Variants in ATRNL1 observed in about 807,000 individuals in gnomAD.
ATRNL1 encodes the protein attractin like 1.
In ATRNL1, 95 loss-of-function variants were observed where a neutral mutation model predicts 182.7. The observed-to-expected ratio is 0.52, with a 90% CI of 0.44 to 0.62. ATRNL1 has a LOEUF of 0.62. ATRNL1 is among the 20% of genes least tolerant of loss of function. ATRNL1 has a pLI of 0.00. For missense variants in ATRNL1, 1,471 were observed against 1,679.5 expected (o/e 0.88, Z 2.17); for synonymous variants, 576 against 568.3 (o/e 1.01, Z -0.19).
intron 19 of ATRNL1, among the ~76,000 whole-genome samples, chr10:115,337,992 A>G (rs943706083): frequency 4.0e-5 from 6 of 151,752 alleles, no homozygotes; most frequent in African/African-American, 1.2e-4. Flanking sequence ...TTGAGCTCCT[A>G]TGAGAATCTG....
At position 115,127,524 on chromosome 10, in the gene ATRNL1, G is replaced by A. The variant is rs553718780; in HGVS notation, c.492-69G>A. 9.7e-6 allele frequency: 13 copies of A among 1,339,522 alleles called. No individual in the cohort carries two copies. The African/African-American group carries it at 1.5e-4, about 16-fold the overall frequency. The allele number at this position is 1,339,522 out of a possible 1,614,324, so 83.0% of individuals were successfully genotyped here. A position where few individuals can be genotyped will look rare whatever the true frequency, so the allele number is the denominator to read the frequency against. ...CTGATCCTGGTAAGAATATTTCTGA[G>A]TAAATTTTATGTGCTTAACAGTCTT... On this transcript the variant is annotated intron_variant, in intron 3 of 28. Coordinates refer to ENST00000355044, the MANE Select transcript of ATRNL1 (RefSeq NM_207303.4).
chr10:115,890,242 AGTCTGT>A (rs1307994565), intron 28 of ATRNL1, among the ~76,000 whole-genome samples: 1 of 152,202 alleles, frequency 6.6e-6, no homozygotes, highest in Non-Finnish European at 1.5e-5. Flanking sequence ...ACAGAGTGGC[AGTCTGT>A]GTGATGTTAA....
intron 26 of ATRNL1, among the ~76,000 whole-genome samples, chr10:115,583,732 T>C (rs1855292142): frequency 6.6e-6 from 1 of 150,522 alleles, no homozygotes; most frequent in Non-Finnish European, 1.5e-5. Context: ...CCTAATTGAA[T>C]ACCCTTTATT....
At chr10:115,751,101 A>G (rs551105212) in intron 27 of ATRNL1, among the ~76,000 whole-genome samples, 2 of 152,168 alleles carry the variant, frequency 1.3e-5, no homozygotes, top group African/African-American at 4.8e-5. Flanking sequence ...AGTAATCACA[A>G]AGGTCCTTAC....
chr10:115,462,124 A>G, intron 22 of ATRNL1, 89 bp downstream of exon 22: 1 of 874,288 alleles, frequency 1.1e-6, no homozygotes, highest in Non-Finnish European at 1.7e-6. Context: ...TCTCAGAATT[A>G]TCACATTGTA....
chr10:115,591,052 G>GAA (rs1222283516), intron 26 of ATRNL1, among the ~76,000 whole-genome samples: 2 of 152,176 alleles, frequency 1.3e-5, no homozygotes, highest in African/African-American at 4.8e-5. Context: ...CTGAAACTAT[G>GAA]AAAGGTTCTA....
chr10:115,128,099 G>C (rs1389843106), intron 4 of ATRNL1, among the ~76,000 whole-genome samples: 1 of 152,182 alleles, frequency 6.6e-6, no homozygotes, highest in African/African-American at 2.4e-5. Context: ...TGGGAGCTAA[G>C]TTTTTGTAGT....
intron 21 of ATRNL1, among the ~76,000 whole-genome samples, chr10:115,449,908 G>T (rs1847201852): frequency 6.6e-6 from 1 of 152,074 alleles, no homozygotes; most frequent in African/African-American, 2.4e-5. Flanking sequence ...CAAAATACTT[G>T]CAGACCAAAT....
At chr10:115,357,882 T>C (rs1592514018) in intron 19 of ATRNL1, among the ~76,000 whole-genome samples, 1 of 151,820 alleles carries the variant, frequency 6.6e-6, no homozygotes, top group South Asian at 2.1e-4. Flanking sequence ...GTCGTTATTA[T>C]TTTAAATATA....
chr10:115,555,433 G>T (rs559348084), intron 26 of ATRNL1, among the ~76,000 whole-genome samples: 94 of 151,680 alleles, frequency 6.2e-4, no homozygotes, highest in African/African-American at 2.2e-3. Context: ...TTGTATATCA[G>T]AACTATTTCA....
At chr10:115,809,434 T>A (rs1419364423) in intron 27 of ATRNL1, among the ~76,000 whole-genome samples, 2 of 152,024 alleles carry the variant, frequency 1.3e-5, no homozygotes, top group Non-Finnish European at 1.5e-5. Context: ...AAGTCTTGTG[T>A]CTCTTCTAAG....
chr10:115,114,542 CAAG>C (rs781815143), intron 1 of ATRNL1, among the ~76,000 whole-genome samples: 5 of 151,968 alleles, frequency 3.3e-5, no homozygotes, highest in Non-Finnish European at 7.4e-5. Flanking sequence ...CATTCAATAA[CAAG>C]AAAACAAATA....
At chr10:115,769,335 A>G (rs894994113) in intron 27 of ATRNL1, among the ~76,000 whole-genome samples, 32 of 152,170 alleles carry the variant, frequency 2.1e-4, no homozygotes, top group African/African-American at 6.5e-4. Context: ...CATTTCCCTG[A>G]ATATTTGTAG....
chr10:115,124,092 A>C (rs782211806), intron 3 of ATRNL1, among the ~76,000 whole-genome samples: 11 of 152,064 alleles, frequency 7.2e-5, no homozygotes, highest in Non-Finnish European at 1.0e-4. Flanking sequence ...GAATCATCCC[A>C]AAATCATCCT....
At chr10:115,389,002 G>A (rs1843823952) in intron 19 of ATRNL1, among the ~76,000 whole-genome samples, 1 of 151,978 alleles carries the variant, frequency 6.6e-6, no homozygotes, top group South Asian at 2.1e-4. Context: ...GATTACTAAA[G>A]CTTATTCCTC....
chr10:115,534,768 T>G (rs941147143), intron 25 of ATRNL1, among the ~76,000 whole-genome samples: 3 of 151,430 alleles, frequency 2.0e-5, no homozygotes, highest in African/African-American at 7.2e-5. Flanking sequence ...CCATGTTTAG[T>G]GCTTCCTTCA....
intron 6 of ATRNL1, among the ~76,000 whole-genome samples, chr10:115,161,913 G>C (rs1846804857): frequency 6.6e-6 from 1 of 151,966 alleles, no homozygotes; most frequent in Non-Finnish European, 1.5e-5. Flanking sequence ...AATTGGGGTG[G>C]AAATGTTACA....
Position 115,093,435 on chromosome 10 carries a change from A to T in ATRNL1, c.-316A>T. On this transcript the variant is annotated 5_prime_UTR_variant, in exon 1 of 29. Transcript: ENST00000355044. This position sits in a 1 kb window ranked among gnomAD's most constrained non-coding sequence, Gnocchi z 6.1. ...CTCCTCCTGCCGGTCAGGTCCCCTC[A>T]GGAGCGCCGGGCGCAGTCTGCGCCT... is the stretch of plus-strand genomic sequence containing the variant. The T allele has an allele frequency of 6.6e-6, 3 of 455,570 alleles. No individual in the cohort carries two copies. Among genetic ancestry groups the T allele is most frequent in the East Asian group, 6.4e-5 (1 of 15,552 alleles). The allele number at this position is 455,570 out of a possible 1,614,324, so 28.2% of individuals were successfully genotyped here.
intron 19 of ATRNL1, among the ~76,000 whole-genome samples, chr10:115,377,981 G>T (rs2134220802): frequency 6.6e-6 from 1 of 152,132 alleles, no homozygotes; most frequent in South Asian, 2.1e-4. Context: ...GACTACTGTG[G>T]CTTCTTCTGC....
Sources: gnomAD v4.1 joint callset for allele counts (sites outside exome capture counted in the v4.1 genomes callset) on GRCh38, gnomAD v4.1.1 for gene constraint, Gnocchi (gnomAD v3.1) non-coding constraint, MANE v1.5 for transcripts, NCBI Gene and HGNC (gene_info 2026-07-23, HGNC 2026-07-21) for gene names.